CNTNAP4: variants seen among roughly 807,000 people sequenced by gnomAD.
CNTNAP4 encodes contactin-associated protein-like 4.
A neutral mutation model predicts 148.4 loss-of-function variants in CNTNAP4; 98 were observed. The observed-to-expected ratio is 0.66, with a 90% CI of 0.56 to 0.78. The LOEUF (loss-of-function observed/expected upper bound fraction) is 0.78. Ranked by LOEUF, CNTNAP4 falls within the 30% of genes least tolerant of loss-of-function variation. The probability of loss-of-function intolerance (pLI) is 0.00; values close to 1 mark genes in which losing one functional copy is unlikely to be tolerated. For missense variants in CNTNAP4, 1,935 were observed against 1,565.6 expected (o/e 1.24, Z -3.98); for synonymous variants, 730 against 565.1 (o/e 1.29, Z -4.14).
intron 8 of CNTNAP4, among the ~76,000 whole-genome samples, chr16:76,454,943 T>G (rs1210901961): frequency 6.6e-6 from 1 of 152,202 alleles, no homozygotes; most frequent in Non-Finnish European, 1.5e-5. Context: ...ATAATGAAAT[T>G]AAGATTAAAT....
intron 1 of CNTNAP4, among the ~76,000 whole-genome samples, chr16:76,314,732 C>T (rs1315650136): frequency 6.6e-6 from 1 of 152,078 alleles, no homozygotes; most frequent in Non-Finnish European, 1.5e-5. Flanking sequence ...CCCAGCAAGT[C>T]TCAGCCTCAT....
chr16:76,487,830 A>G (rs1168430628), intron 12 of CNTNAP4, among the ~76,000 whole-genome samples: 2 of 152,206 alleles, frequency 1.3e-5, no homozygotes, highest in African/African-American at 4.8e-5. Context: ...GCCATGCACT[A>G]TGGCCTTGAA....
At chr16:76,328,833 C>T (rs955937375) in intron 2 of CNTNAP4, among the ~76,000 whole-genome samples, 5 of 152,044 alleles carry the variant, frequency 3.3e-5, no homozygotes, top group Admixed American at 6.6e-5. Flanking sequence ...TTAGTAGAGA[C>T]GGGGTTTCTC....
chr16:76,350,871 T>A (rs539102472), intron 2 of CNTNAP4, among the ~76,000 whole-genome samples: 1 of 152,290 alleles, frequency 6.6e-6, no homozygotes, highest in South Asian at 2.1e-4. Context: ...TTTGAATAGA[T>A]TTATGACACT....
chr16:76,558,744 A>T lies in CNTNAP4; in HGVS notation c.*61A>T. 3 of 1,275,472 alleles carry T rather than the reference A, an allele frequency of 2.4e-6. No individual in the cohort carries two copies. The Admixed American group carries it at 6.8e-5, about 29-fold the overall frequency. 79.0% of individuals were successfully genotyped at this position (1,275,472 alleles called of 1,614,324 possible). ...TTGTTTTAATAGCCAGGGGTTCTCA[A>T]TGGAAAAACGAATGCTCTTACACTG... On this transcript the variant is annotated 3_prime_UTR_variant, in exon 24 of 24. Coordinates refer to ENST00000611870, the MANE Select transcript of CNTNAP4 (RefSeq NM_033401.5).
At chr16:76,314,911 G>T (rs1035527072) in intron 1 of CNTNAP4, among the ~76,000 whole-genome samples, 4 of 151,126 alleles carry the variant, frequency 2.6e-5, no homozygotes, top group Non-Finnish European at 4.4e-5. Flanking sequence ...ATTTTTTTTT[G>T]TAAAAGTAGT....
At chr16:76,432,013 C>T (rs953946590) in intron 4 of CNTNAP4, among the ~76,000 whole-genome samples, 1 of 152,130 alleles carries the variant, frequency 6.6e-6, no homozygotes, top group Non-Finnish European at 1.5e-5. Context: ...ATATAAATAT[C>T]ATTATTGTTA....
intron 3 of CNTNAP4, among the ~76,000 whole-genome samples, chr16:76,378,854 C>G (rs1381873593): frequency 6.6e-6 from 1 of 152,170 alleles, no homozygotes; most frequent in Non-Finnish European, 1.5e-5. Flanking sequence ...GCCTGTGCAT[C>G]AAGTTCAGGT....
At chr16:76,351,808 G>A (rs72628209) in intron 2 of CNTNAP4, among the ~76,000 whole-genome samples, 19,789 of 152,184 alleles carry the variant, frequency 0.13, 1,999 homozygotes, top group East Asian at 0.47. Context: ...TCTTTCTCCT[G>A]ATGAGAATTG....
Position 76,383,094 on chromosome 16 carries a change from A to G in CNTNAP4, c.390+27583A>G, listed in dbSNP as rs144279669. Among the ~76,000 whole-genome samples the G allele has an allele frequency of 8.3e-3, 1,206 of 145,586 alleles. 15 individuals carry two copies. The highest frequency in any genetic ancestry group is 0.027 in the African/African-American group (1,088 of 40,338). On this transcript the variant is annotated intron_variant, in intron 3 of 23. Coordinates refer to ENST00000611870, the MANE Select transcript of CNTNAP4 (RefSeq NM_033401.5). ...CTGAACATTGGTTTGTAAAAGGAAA[A>G]ATCAAGCATTTATCCCACTTTTTTT...
chr16:76,502,973 A>G (rs1431018183), intron 15 of CNTNAP4, among the ~76,000 whole-genome samples: 7 of 152,194 alleles, frequency 4.6e-5, no homozygotes, highest in Non-Finnish European at 1.0e-4. Flanking sequence ...AGTACCGGTT[A>G]TGAGGTTACC....
chr16:76,507,038 A>T (rs2082861128), intron 15 of CNTNAP4, among the ~76,000 whole-genome samples: 2 of 96,996 alleles, frequency 2.1e-5, no homozygotes, highest in African/African-American at 5.1e-5. Flanking sequence ...TTTCCCATTC[A>T]TTTTTCTAGC....
intron 8 of CNTNAP4, among the ~76,000 whole-genome samples, chr16:76,456,631 A>T (rs1371940343): frequency 6.6e-6 from 1 of 152,134 alleles, no homozygotes; most frequent in African/African-American, 2.4e-5. Flanking sequence ...ACAGAAGAAC[A>T]CCAAAGCCCA....
chr16:76,452,342 G>A (rs1248338347), intron 7 of CNTNAP4, among the ~76,000 whole-genome samples, 166 bp from the exon 8 acceptor site: 1 of 152,172 alleles, frequency 6.6e-6, no homozygotes, highest in Non-Finnish European at 1.5e-5. Context: ...AGAGCAAAGG[G>A]TTGAAGAACC....
intron 17 of CNTNAP4, among the ~76,000 whole-genome samples, chr16:76,527,497 C>T (rs144116662): frequency 2.7e-4 from 41 of 152,230 alleles, no homozygotes; most frequent in African/African-American, 8.9e-4. Flanking sequence ...TCAGCATTTT[C>T]GGTGTGCATA....
chr16:76,387,284 T>TTA (rs1471582577), intron 3 of CNTNAP4, among the ~76,000 whole-genome samples: 2 of 152,186 alleles, frequency 1.3e-5, no homozygotes, highest in African/African-American at 4.8e-5. Context: ...CAATGAATAT[T>TTA]TATATGTTAA....
At chr16:76,535,810 G>C (rs772346372) in intron 18 of CNTNAP4, 26 bp downstream of exon 18, 1 of 1,593,072 alleles carries the variant, frequency 6.3e-7, no homozygotes, top group Non-Finnish European at 8.6e-7. Flanking sequence ...AAGACTGTAA[G>C]AGGAAAATTT....
chr16:76,408,360 T>C (rs2078675491), intron 3 of CNTNAP4, among the ~76,000 whole-genome samples: 1 of 141,950 alleles, frequency 7.0e-6, no homozygotes, highest in South Asian at 2.1e-4. Flanking sequence ...GCTTAACAAT[T>C]AACAGTTGTT....
chr16:76,330,544 C>CAGAT (rs1555524971), intron 2 of CNTNAP4, among the ~76,000 whole-genome samples: 3 of 152,146 alleles, frequency 2.0e-5, no homozygotes, highest in Non-Finnish European at 4.4e-5. Flanking sequence ...AGTGGTTGAA[C>CAGAT]AGATAATTTG....
Sources: gnomAD v4.1 joint callset for allele counts (sites outside exome capture counted in the v4.1 genomes callset) on GRCh38, gnomAD v4.1.1 for gene constraint, MANE v1.5 for transcripts, NCBI Gene and HGNC (gene_info 2026-07-23, HGNC 2026-07-21) for gene names.